The following AK9 variants were observed in gnomAD, a reference collection of about 807,000 sequenced individuals.
The protein encoded by AK9 is adenylate kinase 9.
A neutral mutation model predicts 239.6 loss-of-function variants in AK9; 191 were observed. The ratio of observed to expected loss-of-function variants is 0.80; its 90% CI spans 0.71 to 0.90. AK9 has a LOEUF of 0.90. AK9 is among the 40% of genes least tolerant of loss of function. AK9 has a pLI of 0.00. For synonymous variants in AK9, 689 were observed against 721.0 expected (o/e 0.96, Z 0.71); for missense variants, 1,995 against 2,214.7 (o/e 0.90, Z 1.99).
At chr6:109,501,623 G>T (rs1008031133) in intron 35 of AK9, among the ~76,000 whole-genome samples, 6 of 152,160 alleles carry the variant, frequency 3.9e-5, no homozygotes, top group Non-Finnish European at 7.4e-5. Flanking sequence ...CATCAGTGTG[G>T]CATCAGCACT....
intron 24 of AK9, among the ~76,000 whole-genome samples, chr6:109,554,991 T>A (rs1285765621): frequency 1.3e-5 from 2 of 152,218 alleles, no homozygotes; most frequent in Non-Finnish European, 2.9e-5. Context: ...TTCGGAAGGT[T>A]CTTTTGTGTC....
At chr6:109,524,305 T>C (rs1311656778) in intron 29 of AK9, among the ~76,000 whole-genome samples, 1 of 152,104 alleles carries the variant, frequency 6.6e-6, no homozygotes, top group African/African-American at 2.4e-5. Context: ...ATCAACAAAG[T>C]TCCCAGGACA....
chr6:109,683,327 G>A lies in AK9; in HGVS notation c.-11-7571C>T, dbSNP rs192947403. The stretch of plus-strand genomic sequence containing the variant: ...GGCAAAAACTGGAAGCATTTTCTTT[G>A]AAAACTGGCACAAAACAAGGATGCC... On this transcript the variant is annotated intron_variant, in intron 1 of 40. Coordinates refer to ENST00000424296, the MANE Select transcript of AK9 (RefSeq NM_001145128.3). Among the ~76,000 whole-genome samples, 441 of 152,272 alleles carry A rather than the reference G, an allele frequency of 2.9e-3. 2 individuals are homozygous for A. Among genetic ancestry groups the A allele is most frequent in the African/African-American group, 0.01 (428 of 41,560 alleles).
At chr6:109,630,680 CA>C (rs1333169299) in intron 12 of AK9, among the ~76,000 whole-genome samples, 1 of 151,592 alleles carries the variant, frequency 6.6e-6, no homozygotes, top group Non-Finnish European at 1.5e-5. Context: ...CCCATCTCTA[CA>C]AAAAAATACA....
At chr6:109,527,426 C>G (rs1780661464) in intron 29 of AK9, among the ~76,000 whole-genome samples, 1 of 152,134 alleles carries the variant, frequency 6.6e-6, no homozygotes, top group Non-Finnish European at 1.5e-5. Context: ...ATGTGAGAAA[C>G]CCCCCTGGAT....
chr6:109,567,882 T>TA (rs71018349), intron 21 of AK9, among the ~76,000 whole-genome samples: 2,081 of 132,662 alleles, frequency 0.016, 39 homozygotes, highest in African/African-American at 0.058. Flanking sequence ...TAAAGTAAAA[T>TA]AAAAAAAAAA....
intron 21 of AK9, among the ~76,000 whole-genome samples, chr6:109,571,248 A>C (rs1250146547): frequency 1.3e-5 from 2 of 152,198 alleles, no homozygotes; most frequent in African/African-American, 4.8e-5. Context: ...CCACATAGCT[A>C]CAGAAATCCA....
At chr6:109,612,145 G>A (rs1793654202) in intron 15 of AK9, 52 bp from the exon 16 acceptor site, 3 of 1,219,272 alleles carry the variant, frequency 2.5e-6, no homozygotes, top group Admixed American at 5.5e-5. Context: ...AAAAAATGTA[G>A]GTGATTCCCA....
At chr6:109,606,291 T>G (rs138979806) in intron 17 of AK9, among the ~76,000 whole-genome samples, 1 of 151,534 alleles carries the variant, frequency 6.6e-6, no homozygotes, top group Non-Finnish European at 1.5e-5. Context: ...GATAGATAGA[T>G]AGATAGATAG....
intron 5 of AK9, among the ~76,000 whole-genome samples, chr6:109,665,534 G>A (rs558741646): frequency 6.6e-6 from 1 of 152,164 alleles, no homozygotes; most frequent in Non-Finnish European, 1.5e-5. Flanking sequence ...TTGCTCTTGT[G>A]AGTCTAGCTT....
intron 20 of AK9, among the ~76,000 whole-genome samples, chr6:109,577,829 C>CTCCT (rs369400574): frequency 2.0e-5 from 3 of 150,438 alleles, no homozygotes; most frequent in East Asian, 1.9e-4. Flanking sequence ...GCTGTAATAT[C>CTCCT]TCCTTCCTTC....
In AK9 at chr6:109,525,419, A is replaced by G. The variant is rs1038086330; in HGVS notation, c.3633+3592T>C. On this transcript the variant is annotated intron_variant, in intron 29 of 40. Coordinates refer to ENST00000424296, the MANE Select transcript of AK9 (RefSeq NM_001145128.3). Reference sequence around the variant, plus strand: ...AATATTTGCAAACTATGCGTACAACATAAGTCTAATATCCAGAATCTATAA... The same window carrying G: ...AATATTTGCAAACTATGCGTACAACGTAAGTCTAATATCCAGAATCTATAA... 1.1e-4 allele frequency among the ~76,000 whole-genome samples: 16 copies of G among 152,324 alleles called. 1 individual carries two copies. Among genetic ancestry groups the G allele is most frequent in the African/African-American group, 1.9e-4 (8 of 41,574 alleles).
intron 1 of AK9, among the ~76,000 whole-genome samples, chr6:109,676,574 C>A (rs542838356): frequency 1.3e-5 from 2 of 150,604 alleles, no homozygotes; most frequent in Non-Finnish European, 3.0e-5. Flanking sequence ...CTCTTGATCA[C>A]GATAAAATAA....
intron 8 of AK9, among the ~76,000 whole-genome samples, chr6:109,650,028 C>T (rs1798687437): frequency 6.6e-6 from 1 of 152,110 alleles, no homozygotes; most frequent in South Asian, 2.1e-4. Context: ...AACTGGCTAG[C>T]CATATGTAGA....
At chr6:109,647,905 C>A (rs896370143) in intron 8 of AK9, among the ~76,000 whole-genome samples, 12 of 152,072 alleles carry the variant, frequency 7.9e-5, no homozygotes, top group Admixed American at 3.3e-4. Flanking sequence ...GACCACAGTG[C>A]AATCAAACTA....
At chr6:109,577,453 T>A (rs1197868711) in intron 20 of AK9, among the ~76,000 whole-genome samples, 3 of 152,002 alleles carry the variant, frequency 2.0e-5, no homozygotes, top group East Asian at 3.9e-4. Flanking sequence ...CTTTTTTTTT[T>A]AATGTCCTTT....
chr6:109,599,700 T>C (rs1269265471), intron 17 of AK9, among the ~76,000 whole-genome samples: 1 of 152,158 alleles, frequency 6.6e-6, no homozygotes, highest in African/African-American at 2.4e-5. Flanking sequence ...ATTCTTCCTA[T>C]CCATGAGCAT....
chr6:109,498,986 T>G (rs1326091770), intron 36 of AK9, 58 bp downstream of exon 36: 1 of 1,343,822 alleles, frequency 7.4e-7, no homozygotes, highest in Non-Finnish European at 9.7e-7. Context: ...TATTGATTGA[T>G]TCCAAGATAA....
chr6:109,572,342 C>T (rs1038905280), intron 21 of AK9, among the ~76,000 whole-genome samples: 21 of 152,150 alleles, frequency 1.4e-4, no homozygotes, highest in African/African-American at 4.1e-4. Flanking sequence ...GGGTAGATGA[C>T]GATACAATAT....
Sources: gnomAD v4.1 joint callset for allele counts (sites outside exome capture counted in the v4.1 genomes callset) on GRCh38, gnomAD v4.1.1 for gene constraint, MANE v1.5 for transcripts, NCBI Gene and HGNC (gene_info 2026-07-23, HGNC 2026-07-21) for gene names.